PLOD2: variants seen among roughly 807,000 people sequenced by gnomAD.
PLOD2 encodes procollagen-lysine,2-oxoglutarate 5-dioxygenase 2, also known as lysine hydroxylase 2.
A neutral mutation model predicts 101.0 loss-of-function variants in PLOD2; 65 were observed. That is an observed-to-expected ratio of 0.64 (90% CI 0.53 to 0.79). The LOEUF is 0.79. Among genes scored for constraint, PLOD2 ranks in the 30% least tolerant of loss-of-function variants. The pLI is 0.00. For synonymous variants in PLOD2, 314 were observed against 302.9 expected (o/e 1.04, Z -0.38); for missense variants, 909 against 914.6 (o/e 0.99, Z 0.08).
intron 7 of PLOD2, among the ~76,000 whole-genome samples, chr3:146,092,117 G>C (rs1213625812): frequency 6.9e-5 from 10 of 145,544 alleles, no homozygotes; most frequent in African/African-American, 2.3e-4. Context: ...CAAAAAAAAA[G>C]TCTTATAAAT....
At chr3:146,090,611 G>T (rs1008892982) in intron 8 of PLOD2, among the ~76,000 whole-genome samples, 3 of 151,646 alleles carry the variant, frequency 2.0e-5, no homozygotes. Flanking sequence ...ATTCTTTGCA[G>T]ATAGGAAACA....
At chr3:146,108,883 A>G (rs964237542) in intron 4 of PLOD2, among the ~76,000 whole-genome samples, 4 of 152,216 alleles carry the variant, frequency 2.6e-5, no homozygotes, top group Non-Finnish European at 5.9e-5. Context: ...TCAGAGTCCC[A>G]TGGCTACATA....
chr3:146,075,451 C>T (rs149054149), intron 15 of PLOD2, among the ~76,000 whole-genome samples: 62 of 68,388 alleles, frequency 9.1e-4, no homozygotes, highest in African/African-American at 3.3e-3. Flanking sequence ...CCCTGTAAAA[C>T]ACAAAAGGAG....
chr3:146,134,845 G>A lies in PLOD2; in HGVS notation c.110-10616C>T, dbSNP rs1292722303. On this transcript the variant is annotated intron_variant, in intron 1 of 19. Transcript: ENST00000282903. ...TCTAAGAGAAAGTTGTAAGGGTGAGGTGCCTGAATCAAGATAACATTTTAT... is the reference window on the plus strand; with the variant it reads ...TCTAAGAGAAAGTTGTAAGGGTGAGATGCCTGAATCAAGATAACATTTTAT... 2.0e-5 allele frequency among the ~76,000 whole-genome samples: 3 copies of A among 152,284 alleles called. No individual in the cohort carries two copies. The East Asian group carries it at 5.8e-4, about 29-fold the overall frequency.
intron 1 of PLOD2, among the ~76,000 whole-genome samples, chr3:146,138,306 C>T (rs1420043707): frequency 6.6e-6 from 1 of 150,512 alleles, no homozygotes; most frequent in Non-Finnish European, 1.5e-5. Context: ...AAGCCTCTGC[C>T]ATCATGGAGT....
At chr3:146,123,993 T>A (rs957781433) in intron 2 of PLOD2, 145 bp downstream of exon 2, 1 of 626,296 alleles carries the variant, frequency 1.6e-6, no homozygotes, top group Non-Finnish European at 2.9e-6. Context: ...GAAATATTAA[T>A]AAAGCCAAAA....
intron 1 of PLOD2, among the ~76,000 whole-genome samples, chr3:146,156,957 T>G (rs1278208557): frequency 6.6e-6 from 1 of 152,172 alleles, no homozygotes; most frequent in Non-Finnish European, 1.5e-5. Flanking sequence ...AAAGTAATAG[T>G]GAAGGTGCCA....
intron 3 of PLOD2, among the ~76,000 whole-genome samples, chr3:146,116,780 C>A (rs1937934888): frequency 1.3e-5 from 2 of 152,192 alleles, no homozygotes; most frequent in African/African-American, 4.8e-5. Flanking sequence ...ATATGGATAT[C>A]TTCAGTTTTC....
At chr3:146,079,069 A>T in intron 13 of PLOD2, 47 bp downstream of exon 13, 1 of 1,591,260 alleles carries the variant, frequency 6.3e-7, no homozygotes, top group Non-Finnish European at 8.6e-7. Context: ...TGGTAAAGCA[A>T]GCCATCTTAT....
intron 7 of PLOD2, among the ~76,000 whole-genome samples, chr3:146,101,788 A>G (rs1937397340): frequency 6.6e-6 from 1 of 152,166 alleles, no homozygotes; most frequent in Non-Finnish European, 1.5e-5. Flanking sequence ...TAAAATGCTA[A>G]TGAGGAGATG....
At chr3:146,160,803 G>C (rs2032538170) in intron 1 of PLOD2, 78 bp downstream of exon 1, 1 of 913,036 alleles carries the variant, frequency 1.1e-6, no homozygotes, top group African/African-American at 1.6e-5. Context: ...CCAGCCCCGC[G>C]GAAGGGCTGG....
chr3:146,109,460 G>A (rs1937589321), intron 4 of PLOD2, among the ~76,000 whole-genome samples: 1 of 152,164 alleles, frequency 6.6e-6, no homozygotes, highest in African/African-American at 2.4e-5. Context: ...CTAGAACCCA[G>A]ATATGCTGCT....
At chr3:146,108,754 G>C (rs554249492) in intron 4 of PLOD2, among the ~76,000 whole-genome samples, 1 of 152,250 alleles carries the variant, frequency 6.6e-6, no homozygotes, top group Admixed American at 6.5e-5. Flanking sequence ...AAAGCACTGT[G>C]AGTCTGTCTG....
At position 146,111,461 on chromosome 3, in the gene PLOD2, AAGT is replaced by A. The variant is rs1218112835; in HGVS notation, c.339-1016_339-1014del. Among the ~76,000 whole-genome samples the A allele has an allele frequency of 1.3e-4, 20 of 152,248 alleles. No individual in the cohort carries two copies. In the East Asian group the frequency reaches 3.9e-3, roughly 29 times the overall value. On this transcript the variant is annotated intron_variant, in intron 3 of 19. Transcript: ENST00000282903. ...AGTGTAAAGTATAAAATGGAGGGAAAAGTAGTATCTATATCCTCAAGTTATAAT... is the reference window on the plus strand; with the variant it reads ...AGTGTAAAGTATAAAATGGAGGGAAAAGTATCTATATCCTCAAGTTATAAT...
At position 146,088,680 on chromosome 3, in the gene PLOD2, A is replaced by G. The variant is rs1936871705; in HGVS notation, c.911T>C (p.Ile304Thr). ...VHPNVSIGVF[I>T]EQPTPFLPRF... Reference sequence around the variant, plus strand: ...AGGTAGAAAAGGGGTTGGTTGCTCAATAAAAACACCTATTGATACGTTTGG... The same window carrying G: ...AGGTAGAAAAGGGGTTGGTTGCTCAGTAAAAACACCTATTGATACGTTTGG... Residue 304 changes from isoleucine to threonine, a missense_variant, in exon 9 of 20, where the codon ATT (isoleucine) becomes ACT (threonine). By Grantham distance (89) the Ile-to-Thr change is moderately conservative. Transcript: ENST00000282903. 1 of 1,608,380 alleles carries G rather than the reference A, an allele frequency of 6.2e-7. No individual in the cohort carries two copies. The highest frequency in any genetic ancestry group is 1.3e-5 in the African/African-American group (1 of 74,746).
chr3:146,116,154 T>C (rs1455554185), intron 3 of PLOD2, among the ~76,000 whole-genome samples: 3 of 152,088 alleles, frequency 2.0e-5, no homozygotes, highest in Non-Finnish European at 4.4e-5. Context: ...ACCTGAAGCA[T>C]ATGTCTATAT....
chr3:146,104,725 T>G (rs2108058193), intron 5 of PLOD2, among the ~76,000 whole-genome samples: 1 of 152,302 alleles, frequency 6.6e-6, no homozygotes, highest in East Asian at 1.9e-4. Context: ...CACATCAATT[T>G]CAGGAATATT....
In PLOD2 at chr3:146,072,563, G is replaced by C. The variant is rs770629844; in HGVS notation, c.1846C>G (p.His616Asp). The change falls in exon 17 of 20, where the codon CAT (histidine) becomes GAT (aspartate). Residue 616 changes from histidine to aspartate, a missense_variant and splice_region_variant. Physicochemically the swap from His to Asp is moderately conservative, Grantham distance 81 (BLOSUM62 -1). Transcript: ENST00000282903. ...CTTAGTGTGAAATTACAACTTACAT[G>C]ATGTTTTCCCCCAGACCATTTGCCG... ...HYGKWSGGKH[H>D]DSRISGGYEN... 1 of 1,582,696 alleles carries C rather than the reference G, an allele frequency of 6.3e-7. No homozygotes were observed. Among genetic ancestry groups the C allele is most frequent in the Non-Finnish European group, 8.7e-7 (1 of 1,152,252 alleles).
intron 3 of PLOD2, among the ~76,000 whole-genome samples, chr3:146,119,037 T>A (rs1167186488): frequency 6.6e-6 from 1 of 152,100 alleles, no homozygotes; most frequent in African/African-American, 2.4e-5. Context: ...CCCACCCACA[T>A]CTCATGTTGA....
Sources: gnomAD v4.1 joint callset for allele counts (sites outside exome capture counted in the v4.1 genomes callset) on GRCh38, gnomAD v4.1.1 for gene constraint, MANE v1.5 for transcripts, NCBI Gene and HGNC (gene_info 2026-07-23, HGNC 2026-07-21) for gene names.